The following VCL variants were observed in gnomAD, a reference collection of about 807,000 sequenced individuals.
VCL encodes epididymis luminal protein 114.
In VCL, 47 loss-of-function variants were observed where a neutral mutation model predicts 125.7. The observed-to-expected ratio is 0.37, with a 90% confidence interval of 0.30 to 0.48. The LOEUF (loss-of-function observed/expected upper bound fraction) is 0.48, where lower values mean the gene tolerates loss of function less well. Ranked by LOEUF, VCL falls within the 20% of genes least tolerant of loss-of-function variation. The probability of loss-of-function intolerance (pLI) is 0.99; values close to 1 mark genes in which losing one functional copy is unlikely to be tolerated. For missense variants in VCL, 1,069 were observed against 1,455.5 expected (o/e 0.73, Z 4.32); for synonymous variants, 458 against 514.6 (o/e 0.89, Z 1.49).
intron 2 of VCL, among the ~76,000 whole-genome samples, chr10:74,060,015 AGC>A (rs1175801303): frequency 2.0e-5 from 3 of 152,078 alleles, no homozygotes; most frequent in African/African-American, 7.2e-5. Flanking sequence ...ATAAAAAATT[AGC>A]TGGGCATGGT....
intron 1 of VCL, among the ~76,000 whole-genome samples, chr10:74,042,550 C>T (rs1006218171): frequency 2.0e-5 from 3 of 152,132 alleles, no homozygotes; most frequent in South Asian, 4.1e-4. Flanking sequence ...TTTTAACTCG[C>T]ACTATAATTA....
intron 2 of VCL, among the ~76,000 whole-genome samples, chr10:74,044,110 CAA>C (rs531942200): frequency 1.4e-5 from 2 of 138,238 alleles, no homozygotes; most frequent in Non-Finnish European, 3.2e-5. Flanking sequence ...GACTCTGTCT[CAA>C]AAAAAAAAAA....
At chr10:74,116,705 T>A (rs1388235455) in intron 21 of VCL, among the ~76,000 whole-genome samples, 11 of 148,810 alleles carry the variant, frequency 7.4e-5, no homozygotes, top group African/African-American at 2.5e-4. Context: ...AAAATAATAA[T>A]AAAATAAAAT....
intron 1 of VCL, among the ~76,000 whole-genome samples, chr10:74,000,303 G>T (rs981437390): frequency 7.6e-6 from 1 of 131,866 alleles, no homozygotes; most frequent in Non-Finnish European, 1.5e-5. Flanking sequence ...GCTCTGTCAC[G>T]CAGGCGCTGG....
intron 1 of VCL, among the ~76,000 whole-genome samples, chr10:74,040,513 T>C (rs906620115): frequency 3.3e-5 from 5 of 152,308 alleles, no homozygotes; most frequent in Admixed American, 6.5e-5. Flanking sequence ...GAATGTGAAC[T>C]AGTGACTTTG....
At chr10:74,083,631 TA>T in intron 8 of VCL, 118 bp downstream of exon 8, 3 of 1,194,752 alleles carry the variant, frequency 2.5e-6, no homozygotes, top group Non-Finnish European at 2.4e-6. Flanking sequence ...ATAACAGAGA[TA>T]TTATAGTCTA....
At chr10:74,045,264 C>CGGAT (rs1841177576) in intron 2 of VCL, among the ~76,000 whole-genome samples, 1 of 123,524 alleles carries the variant, frequency 8.1e-6, no homozygotes, top group African/African-American at 3.2e-5. Context: ...GACAGAGAGA[C>CGGAT]GGATAGATAG....
intron 18 of VCL, among the ~76,000 whole-genome samples, chr10:74,110,350 C>A (rs1181691031): frequency 6.6e-6 from 1 of 152,072 alleles, no homozygotes; most frequent in Non-Finnish European, 1.5e-5. Flanking sequence ...CAGCATTGGC[C>A]CACATTACTT....
chr10:74,096,821 T>C (rs750215188), intron 12 of VCL, among the ~76,000 whole-genome samples: 2 of 152,282 alleles, frequency 1.3e-5, no homozygotes, highest in Non-Finnish European at 2.9e-5. Flanking sequence ...TTACAGTTAC[T>C]GTGATCGTTA....
chr10:74,093,693 A>G (rs11000870), intron 10 of VCL, among the ~76,000 whole-genome samples: 23,758 of 151,922 alleles, frequency 0.16, 4,948 homozygotes, highest in African/African-American at 0.48. Context: ...CAGCTACCTG[A>G]AAGGCTGAGG....
chr10:74,034,957 T>C (rs1356090733), intron 1 of VCL, among the ~76,000 whole-genome samples: 1 of 152,236 alleles, frequency 6.6e-6, no homozygotes, highest in East Asian at 1.9e-4. Flanking sequence ...CTAACTGTTA[T>C]GCCATGACAT....
rs776212479 is a variant in VCL, at chr10:74,090,106, A to G, written c.1260A>G (p.Glu420=). 5.0e-6 allele frequency: 8 copies of G among 1,614,196 alleles called. No homozygotes were observed. The highest frequency in any genetic ancestry group is 6.8e-6 in the Non-Finnish European group (8 of 1,180,030). Residue 420 remains glutamate, a synonymous_variant, in exon 10 of 22, where the codon GAA becomes GAG. Transcript: ENST00000211998. ...GALAEARKIA[E]LCDDPKERDD... is the part of the protein sequence containing the mutation. Reference sequence around the variant, plus strand: ...TGGCTGAAGCTCGGAAAATAGCAGAATTATGTGATGATCCTAAAGAAAGAG... The same window carrying G: ...TGGCTGAAGCTCGGAAAATAGCAGAGTTATGTGATGATCCTAAAGAAAGAG...
intron 8 of VCL, among the ~76,000 whole-genome samples, chr10:74,084,590 TTTTTTC>T (rs530274791): frequency 0.018 from 2,746 of 151,222 alleles, 40 homozygotes; most frequent in Non-Finnish European, 0.031. Context: ...ACCTGCCAAA[TTTTTTC>T]TTTTTCTTTT....
rs138261332 is a variant in VCL at position 74,001,246 on chromosome 10, C to T, written c.168+2871C>T. Among the ~76,000 whole-genome samples, 784 of 152,192 alleles carry T rather than the reference C, an allele frequency of 5.2e-3. 4 individuals are homozygous for T. Among genetic ancestry groups the T allele is most frequent in the African/African-American group, 0.018 (731 of 41,510 alleles). On this transcript the variant is annotated intron_variant, in intron 1 of 21. Coordinates refer to ENST00000211998, the MANE Select transcript of VCL (RefSeq NM_014000.3). ...TCACATTCTTGGTGCCAACTGTGAC[C>T]GTTAAATATGTGGATTCTGTACATG...
intron 1 of VCL, among the ~76,000 whole-genome samples, chr10:74,019,889 C>A (rs1355081528): frequency 6.6e-6 from 1 of 151,952 alleles, no homozygotes; most frequent in Non-Finnish European, 1.5e-5. Context: ...ATGGTGAAAC[C>A]CTTTCTCTAC....
intron 1 of VCL, among the ~76,000 whole-genome samples, chr10:74,025,710 G>A (rs1183416593): frequency 1.3e-5 from 2 of 148,260 alleles, no homozygotes; most frequent in Non-Finnish European, 1.5e-5. Flanking sequence ...AAGGAAGGGA[G>A]GGAGGGAGGG....
At chr10:74,106,167 C>A (rs1005967377) in intron 16 of VCL, among the ~76,000 whole-genome samples, 3 of 152,044 alleles carry the variant, frequency 2.0e-5, no homozygotes, top group Non-Finnish European at 4.4e-5. Context: ...GTTGATCCAC[C>A]CGCCTTGGCC....
chr10:74,032,240 TAAA>T (rs770412004), intron 1 of VCL, among the ~76,000 whole-genome samples: 4 of 75,990 alleles, frequency 5.3e-5, no homozygotes, highest in Admixed American at 1.5e-4. Flanking sequence ...TGTTTCAGAA[TAAA>T]AAAAAAAAAA....
At chr10:74,019,775 C>T (rs1840626281) in intron 1 of VCL, among the ~76,000 whole-genome samples, 1 of 152,122 alleles carries the variant, frequency 6.6e-6, no homozygotes, top group Non-Finnish European at 1.5e-5. Flanking sequence ...TTAAAAATAA[C>T]TAATTGGCCC....
Sources: allele counts gnomAD v4.1 joint callset (sites outside exome capture counted in the v4.1 genomes callset), GRCh38; gene constraint gnomAD v4.1.1; transcripts MANE v1.5; gene names NCBI Gene and HGNC (gene_info 2026-07-23, HGNC 2026-07-21).